NEGR1: variants seen among roughly 807,000 people sequenced by gnomAD.
NEGR1 encodes IgLON family member 4.
A neutral mutation model predicts 40.9 loss-of-function variants in NEGR1; 10 were observed. That is an observed-to-expected ratio of 0.24 (90% CI 0.15 to 0.42). The LOEUF is 0.42. NEGR1 is among the 10% of genes least tolerant of loss of function. The pLI, the probability that NEGR1 is intolerant of heterozygous loss-of-function variation, is 1.00. For synonymous variants in NEGR1, 185 were observed against 166.8 expected, an observed-to-expected ratio of 1.11 and a Z score of -0.84; for missense variants, 352 against 438.9, an observed-to-expected ratio of 0.80 and a Z score of 1.77.
intron 2 of NEGR1, among the ~76,000 whole-genome samples, chr1:71,896,430 T>G (rs149490788): frequency 3.9e-5 from 6 of 152,234 alleles, no homozygotes; most frequent in Non-Finnish European, 8.8e-5. Context: ...AAGATTTCTT[T>G]GTATTTTTTA....
chr1:71,987,044 C>T (rs1646401171), intron 1 of NEGR1, among the ~76,000 whole-genome samples: 1 of 152,128 alleles, frequency 6.6e-6, no homozygotes, highest in Non-Finnish European at 1.5e-5. Context: ...TGAGTGTTTT[C>T]TGAGCAAGAG....
chr1:71,921,845 G>C (rs1005561941), intron 2 of NEGR1, among the ~76,000 whole-genome samples: 1 of 151,548 alleles, frequency 6.6e-6, no homozygotes, highest in Non-Finnish European at 1.5e-5. Context: ...TAGGCTATTA[G>C]TAAAGTTTTT....
In NEGR1 at chr1:72,050,953, C is replaced by G. The variant is rs150779485; in HGVS notation, c.177-115642G>C. On this transcript the variant is annotated intron_variant, in intron 1 of 6. Transcript: ENST00000357731. ...GTAAGCCATCTTGGAATCATATTCCCCAGTCCAATCAAGCCTTCAGATTTG... is the reference window on the plus strand; with the variant it reads ...GTAAGCCATCTTGGAATCATATTCCGCAGTCCAATCAAGCCTTCAGATTTG... 4.5e-3 allele frequency among the ~76,000 whole-genome samples: 680 copies of G among 151,504 alleles called. 1 individual carries two copies. Among genetic ancestry groups the G allele is most frequent in the African/African-American group, 0.016 (645 of 41,416 alleles).
chr1:71,485,604 C>A lies in NEGR1; in HGVS notation c.941-78034G>T, dbSNP rs1016503503. On this transcript the variant is annotated intron_variant, in intron 6 of 6. Coordinates refer to ENST00000357731, the MANE Select transcript of NEGR1 (RefSeq NM_173808.3). The stretch of plus-strand genomic sequence containing the variant: ...GCTCTGCCTATTCATCTCTCCCTTT[C>A]CCCAACCCTTGGCAAACACTGACCT... Among the ~76,000 whole-genome samples the A allele has an allele frequency of 1.6e-4, 24 of 151,546 alleles. No homozygotes were observed. The Admixed American group carries it at 1.6e-3, about 10-fold the overall frequency.
At chr1:71,511,308 A>C (rs1191653232) in intron 6 of NEGR1, among the ~76,000 whole-genome samples, 1 of 152,226 alleles carries the variant, frequency 6.6e-6, no homozygotes, top group Non-Finnish European at 1.5e-5. Flanking sequence ...CAGTATCTCT[A>C]ATATTAGTTT....
At chr1:72,227,474 A>C (rs1654228511) in intron 1 of NEGR1, among the ~76,000 whole-genome samples, 1 of 152,024 alleles carries the variant, frequency 6.6e-6, no homozygotes, top group Non-Finnish European at 1.5e-5. Flanking sequence ...TGCCTCAAAG[A>C]GGGAAGAACT....
intron 3 of NEGR1, among the ~76,000 whole-genome samples, chr1:71,768,969 A>T (rs1455589183): frequency 6.6e-6 from 1 of 151,840 alleles, no homozygotes; most frequent in African/African-American, 2.4e-5. Flanking sequence ...TTCACTTTCC[A>T]CCATGACTAT....
At chr1:71,870,330 TA>T (rs1390266144) in intron 2 of NEGR1, among the ~76,000 whole-genome samples, 2 of 152,222 alleles carry the variant, frequency 1.3e-5, no homozygotes, top group Non-Finnish European at 2.9e-5. Context: ...AAATATCTAT[TA>T]TTTTTTATCT....
chr1:71,948,748 T>C (rs1361927410), intron 1 of NEGR1, among the ~76,000 whole-genome samples: 4 of 152,054 alleles, frequency 2.6e-5, no homozygotes, highest in African/African-American at 9.7e-5. Context: ...ACCTGTCATA[T>C]CTCACTGCCT....
intron 1 of NEGR1, among the ~76,000 whole-genome samples, chr1:72,146,915 T>C (rs955464896): frequency 5.9e-5 from 9 of 152,170 alleles, no homozygotes; most frequent in Non-Finnish European, 1.5e-5. Context: ...TTGGGGAAGG[T>C]TGCATTTCCT....
chr1:71,548,000 T>G (rs1438711750), intron 6 of NEGR1, among the ~76,000 whole-genome samples: 1 of 151,646 alleles, frequency 6.6e-6, no homozygotes, highest in Admixed American at 6.6e-5. Context: ...AGTGGGAGAC[T>G]GAGGTTTCCT....
chr1:71,399,243 T>C lies in NEGR1; in HGVS notation c.*8203A>G, dbSNP rs1290158283. On this transcript the variant is annotated 3_prime_UTR_variant, in exon 7 of 7. Coordinates refer to ENST00000357731, the MANE Select transcript of NEGR1 (RefSeq NM_173808.3). ...AGTTTATCTATAAATTAGAAATATA[T>C]ATGTTTCCAGAAAAAAATTGCTTAT... 5.9e-5 allele frequency: 9 copies of C among 151,886 alleles called. No individual in the cohort carries two copies. Among genetic ancestry groups the C allele is most frequent in the Admixed American group, 5.9e-4 (9 of 15,234 alleles). The allele number at this position is 151,886 out of a possible 1,614,324, so 9.4% of individuals were successfully genotyped here. A position where few individuals can be genotyped will look rare whatever the true frequency, so the allele number is the denominator to read the frequency against.
rs555865787 is a variant in NEGR1 at position 72,171,383 on chromosome 1, T to G, written c.176+110936A>C. ...TGTAAGAGCACATAAAAGTATCCCT[T>G]TGCCCTTTCTGGCACCTATTGGGAT... On this transcript the variant is annotated intron_variant, in intron 1 of 6. Transcript: ENST00000357731. 9.2e-5 allele frequency among the ~76,000 whole-genome samples: 14 copies of G among 152,268 alleles called. No homozygotes were observed. The Middle Eastern group carries it at 0.01, about 111-fold the overall frequency.
chr1:71,984,719 G>A (rs146134033), intron 1 of NEGR1, among the ~76,000 whole-genome samples: 11 of 152,100 alleles, frequency 7.2e-5, no homozygotes, highest in Non-Finnish European at 1.3e-4. Flanking sequence ...CATAAAGTAA[G>A]ACTACAGTAA....
At chr1:71,658,204 C>A (rs2101588168) in intron 4 of NEGR1, among the ~76,000 whole-genome samples, 1 of 152,294 alleles carries the variant, frequency 6.6e-6, no homozygotes, top group South Asian at 2.1e-4. Context: ...TCATTTATCA[C>A]TAAATCCAAA....
chr1:72,245,469 T>C (rs901554237), intron 1 of NEGR1, among the ~76,000 whole-genome samples: 2 of 152,102 alleles, frequency 1.3e-5, no homozygotes, highest in African/African-American at 4.8e-5. Context: ...GCACAATTAG[T>C]GATTCCTGAA....
At chr1:71,561,920 T>C (rs1386808790) in intron 6 of NEGR1, among the ~76,000 whole-genome samples, 2 of 121,780 alleles carry the variant, frequency 1.6e-5, no homozygotes, top group Non-Finnish European at 3.4e-5. Context: ...ATTGCCTTTT[T>C]GCTAGAGCTT....
chr1:71,993,010 C>A (rs1025393772), intron 1 of NEGR1, among the ~76,000 whole-genome samples: 9 of 152,016 alleles, frequency 5.9e-5, no homozygotes, highest in African/African-American at 1.7e-4. Context: ...TGCGGATTTC[C>A]AAACAAACGA....
chr1:71,813,244 A>G (rs1293773186), intron 2 of NEGR1, among the ~76,000 whole-genome samples: 1 of 151,984 alleles, frequency 6.6e-6, no homozygotes, highest in African/African-American at 2.4e-5. Context: ...ATGGTCGTAG[A>G]TGTGCAGTCT....
Sources: gnomAD v4.1 joint callset for allele counts (sites outside exome capture counted in the v4.1 genomes callset) on GRCh38, gnomAD v4.1.1 for gene constraint, MANE v1.5 for transcripts, NCBI Gene and HGNC (gene_info 2026-07-23, HGNC 2026-07-21) for gene names.